The following GABRG3 variants were observed in gnomAD, a reference collection of about 807,000 sequenced individuals.
GABRG3 encodes the protein gamma-aminobutyric acid type A receptor subunit gamma3, also known as gamma-aminobutyric acid receptor subunit gamma-3.
GABRG3 carries 25 observed loss-of-function variants against 48.8 expected under a neutral mutation model. The ratio of observed to expected loss-of-function variants is 0.51; its 90% CI spans 0.37 to 0.72. The LOEUF (loss-of-function observed/expected upper bound fraction) is 0.72, where lower values mean the gene tolerates loss of function less well. GABRG3 is among the 30% of genes least tolerant of loss of function. The probability of loss-of-function intolerance (pLI) is 0.00; values close to 1 mark genes in which losing one functional copy is unlikely to be tolerated. For synonymous variants in GABRG3, 227 were observed against 217.6 expected (o/e 1.04, Z -0.38); for missense variants, 394 against 577.9 (o/e 0.68, Z 3.26).
rs75021436 is a variant in GABRG3, at chr15:27,143,443, G to C, written c.270+116622G>C. 3.4e-4 allele frequency among the ~76,000 whole-genome samples: 52 copies of C among 152,324 alleles called. No homozygotes were observed. The East Asian group carries it at 6.9e-3, about 20-fold the overall frequency. Reference sequence around the variant, plus strand: ...CAACCCTGCCTTAAATAGTAGATTTGTCTCAGCAGTGTTTGTCAGTTATTC... The same window carrying C: ...CAACCCTGCCTTAAATAGTAGATTTCTCTCAGCAGTGTTTGTCAGTTATTC... On this transcript the variant is annotated intron_variant, in intron 3 of 9. Coordinates refer to ENST00000615808, the MANE Select transcript of GABRG3 (RefSeq NM_033223.5).
intron 3 of GABRG3, among the ~76,000 whole-genome samples, chr15:27,070,083 A>G (rs1006688328): frequency 3.3e-5 from 5 of 152,264 alleles, no homozygotes; most frequent in African/African-American, 1.2e-4. Flanking sequence ...AAGGAAGAAC[A>G]AGATGGCTAT....
At chr15:27,281,435 ATCTC>A (rs1458794921) in intron 3 of GABRG3, among the ~76,000 whole-genome samples, 4 of 150,540 alleles carry the variant, frequency 2.7e-5, no homozygotes, top group Non-Finnish European at 5.9e-5. Flanking sequence ...AAAGGATAGC[ATCTC>A]TCTGTTTTTT....
chr15:27,251,074 C>T (rs566396495), intron 3 of GABRG3, among the ~76,000 whole-genome samples: 8 of 152,308 alleles, frequency 5.3e-5, no homozygotes, highest in East Asian at 3.9e-4. Context: ...TCGACTGCCA[C>T]GCCTGCTGCC....
At chr15:27,312,620 AG>A (rs921328726) in intron 3 of GABRG3, among the ~76,000 whole-genome samples, 20 of 152,286 alleles carry the variant, frequency 1.3e-4, no homozygotes, top group African/African-American at 4.3e-4. Flanking sequence ...ACAGGCCAAA[AG>A]GGATTCAGAT....
At chr15:27,429,273 C>T (rs549211869) in intron 5 of GABRG3, among the ~76,000 whole-genome samples, 27 of 152,208 alleles carry the variant, frequency 1.8e-4, no homozygotes, top group Admixed American at 1.3e-4. Context: ...TTGACCTTTC[C>T]GTGTCCTACA....
At chr15:27,047,887 T>G (rs567828864) in intron 3 of GABRG3, among the ~76,000 whole-genome samples, 1 of 152,322 alleles carries the variant, frequency 6.6e-6, no homozygotes, top group South Asian at 2.1e-4. Flanking sequence ...AAGTTTTAAC[T>G]GGTGGTCATT....
At chr15:27,394,614 C>G (rs1479257564) in intron 5 of GABRG3, among the ~76,000 whole-genome samples, 2 of 152,074 alleles carry the variant, frequency 1.3e-5, no homozygotes, top group Non-Finnish European at 2.9e-5. Flanking sequence ...CCAAAAGACT[C>G]TAGAATTTCT....
chr15:27,363,286 G>A (rs532037873), intron 5 of GABRG3: 10 of 152,290 alleles, frequency 6.6e-5, no homozygotes, highest in African/African-American at 1.9e-4. Context: ...ATATGTTAAG[G>A]GGTCAGAAAT....
At chr15:27,040,158 G>T (rs1896250885) in intron 3 of GABRG3, among the ~76,000 whole-genome samples, 2 of 152,382 alleles carry the variant, frequency 1.3e-5, no homozygotes, top group African/African-American at 2.4e-5. Flanking sequence ...GCAGGTGGGG[G>T]TCCAGAGGAC....
chr15:27,502,742 GA>G (rs1890671279), intron 6 of GABRG3, among the ~76,000 whole-genome samples: 1 of 152,214 alleles, frequency 6.6e-6, no homozygotes, highest in Admixed American at 6.5e-5. Flanking sequence ...AGAACTCAGG[GA>G]AATACTTATT....
intron 3 of GABRG3, among the ~76,000 whole-genome samples, chr15:27,064,813 T>C (rs1896710118): frequency 6.6e-6 from 1 of 152,218 alleles, no homozygotes; most frequent in African/African-American, 2.4e-5. Flanking sequence ...CAATACTTTA[T>C]GATTTTGTAG....
intron 3 of GABRG3, among the ~76,000 whole-genome samples, chr15:27,141,992 C>A (rs961900819): frequency 1.3e-5 from 2 of 151,812 alleles, no homozygotes; most frequent in Admixed American, 6.6e-5. Context: ...TTTTTCTTTT[C>A]TTTGATATTT....
intron 5 of GABRG3, among the ~76,000 whole-genome samples, chr15:27,381,028 G>A (rs936272775): frequency 1.3e-5 from 2 of 152,122 alleles, no homozygotes; most frequent in Non-Finnish European, 2.9e-5. Flanking sequence ...GCCTCCCAAA[G>A]TGCTAGGATT....
intron 3 of GABRG3, among the ~76,000 whole-genome samples, chr15:27,250,413 C>A (rs560510334): frequency 1.3e-5 from 2 of 152,322 alleles, no homozygotes; most frequent in South Asian, 4.1e-4. Context: ...GTTTTATGTG[C>A]ACATTTCTAG....
At chr15:27,301,615 TGTGA>T (rs1292245455) in intron 3 of GABRG3, among the ~76,000 whole-genome samples, 2 of 152,144 alleles carry the variant, frequency 1.3e-5, no homozygotes, top group African/African-American at 2.4e-5. Context: ...TATATATGTG[TGTGA>T]GTGTGTGTGT....
rs1891561582 is a variant in GABRG3 at position 27,537,035 on chromosome 15, A to C, written c.*4154A>C. 3 of 151,602 alleles carry C rather than the reference A, an allele frequency of 2.0e-5. No homozygotes were observed. The allele number at this position is 151,602 out of a possible 1,614,324, so 9.4% of individuals were successfully genotyped here. On this transcript the variant is annotated 3_prime_UTR_variant, in exon 10 of 10. Coordinates refer to ENST00000615808, the MANE Select transcript of GABRG3 (RefSeq NM_033223.5). ...GCTCTCAAGGCACAAAGCACTTGGA[A>C]TTCACTCCATGATCTTGCAACTCTT...
At chr15:27,472,019 C>T (rs893264217) in intron 5 of GABRG3, among the ~76,000 whole-genome samples, 4 of 152,152 alleles carry the variant, frequency 2.6e-5, no homozygotes, top group South Asian at 2.1e-4. Flanking sequence ...ACATGTAATT[C>T]ATAATTAAAC....
intron 3 of GABRG3, among the ~76,000 whole-genome samples, chr15:27,116,522 C>G (rs182734753): frequency 1.3e-5 from 2 of 152,232 alleles, no homozygotes; most frequent in East Asian, 3.9e-4. Context: ...AATACTAGTA[C>G]TACCACTTCT....
intron 3 of GABRG3, among the ~76,000 whole-genome samples, chr15:27,100,052 T>C (rs1018642384): frequency 1.3e-5 from 2 of 151,804 alleles, no homozygotes; most frequent in Non-Finnish European, 2.9e-5. Context: ...CCGTCTGTAC[T>C]AAAAATACAA....
Sources: gnomAD v4.1 joint callset for allele counts (sites outside exome capture counted in the v4.1 genomes callset) on GRCh38, gnomAD v4.1.1 for gene constraint, MANE v1.5 for transcripts, NCBI Gene and HGNC (gene_info 2026-07-23, HGNC 2026-07-21) for gene names.